The following SYT16 variants were observed in gnomAD, a reference collection of about 807,000 sequenced individuals.
SYT16 encodes the protein synaptotagmin 16, also known as synaptotagmin-16.
In SYT16, 42 loss-of-function variants were observed where a neutral mutation model predicts 61.4. The ratio of observed to expected loss-of-function variants is 0.68; its 90% CI spans 0.53 to 0.89. The LOEUF (loss-of-function observed/expected upper bound fraction) is 0.89, where lower values mean the gene tolerates loss of function less well. SYT16 is among the 40% of genes least tolerant of loss of function. The probability of loss-of-function intolerance (pLI) is 0.00; values close to 1 mark genes in which losing one functional copy is unlikely to be tolerated. For missense variants in SYT16, 804 were observed against 807.3 expected (o/e 1.00, Z 0.05); for synonymous variants, 314 against 302.3 (o/e 1.04, Z -0.40).
intron 1 of SYT16, among the ~76,000 whole-genome samples, chr14:61,935,686 C>T (rs893470039): frequency 2.6e-5 from 4 of 152,178 alleles, no homozygotes; most frequent in Non-Finnish European, 4.4e-5. Flanking sequence ...AATTTAGGAC[C>T]TTCACCTGGA....
At chr14:61,813,283 C>G (rs2045325414) in intron 1 of SYT16, among the ~76,000 whole-genome samples, 1 of 152,230 alleles carries the variant, frequency 6.6e-6, no homozygotes, top group East Asian at 1.9e-4. Flanking sequence ...GCGGGCAGCA[C>G]AAGGCCGGCT....
chr14:61,836,206 T>C (rs1052522854), intron 1 of SYT16, among the ~76,000 whole-genome samples: 3 of 152,218 alleles, frequency 2.0e-5, no homozygotes, highest in Non-Finnish European at 4.4e-5. Context: ...ATACACATCA[T>C]AGAAATTGAA....
chr14:62,094,697 A>G (rs2057207183), intron 7 of SYT16, among the ~76,000 whole-genome samples: 1 of 152,044 alleles, frequency 6.6e-6, no homozygotes, highest in African/African-American at 2.4e-5. Context: ...CAAATATTCT[A>G]GGTATGTTTG....
intron 2 of SYT16, among the ~76,000 whole-genome samples, chr14:61,971,332 G>A (rs1014841998): frequency 2.0e-5 from 3 of 152,190 alleles, no homozygotes; most frequent in African/African-American, 7.2e-5. Context: ...TTCTAGATCA[G>A]GGTCTGTTGT....
intron 1 of SYT16, among the ~76,000 whole-genome samples, chr14:61,828,213 ATTG>A (rs1200439075): frequency 6.6e-6 from 1 of 152,192 alleles, no homozygotes; most frequent in Non-Finnish European, 1.5e-5. Flanking sequence ...AGAAAATTTT[ATTG>A]TTTAAACCCC....
intron 1 of SYT16, among the ~76,000 whole-genome samples, chr14:61,950,027 C>T (rs536671691): frequency 6.6e-6 from 1 of 152,330 alleles, no homozygotes; most frequent in East Asian, 1.9e-4. Context: ...ACAACTCCCT[C>T]TTGACCTAAA....
rs200597370 is a variant in SYT16, at chr14:61,996,076, C to G, written c.57C>G (p.Ser19=). ...AGAACTTCTTCCAGCCTTTCTCTTC[C>G]TGGATATCTCGGGTTTATGAAGCTC... ...DVQNFFQPFS[S]WISRVYEALQ... The change falls in exon 3 of 8, where the codon TCC becomes TCG. Residue 19 remains serine (S), a synonymous_variant. Transcript: ENST00000683842. 1,525 of 1,611,576 alleles carry G rather than the reference C, an allele frequency of 9.5e-4. 3 individuals are homozygous for G. Among genetic ancestry groups the G allele is most frequent in the Non-Finnish European group, 1.1e-3 (1,344 of 1,178,736 alleles).
At chr14:61,874,399 C>A (rs2047422454) in intron 1 of SYT16, among the ~76,000 whole-genome samples, 1 of 152,070 alleles carries the variant, frequency 6.6e-6, no homozygotes, top group Admixed American at 6.5e-5. Flanking sequence ...TTCCACAGGG[C>A]CTACTGCAGG....
At chr14:61,926,238 A>T (rs1174158406) in intron 1 of SYT16, among the ~76,000 whole-genome samples, 6 of 47,212 alleles carry the variant, frequency 1.3e-4, no homozygotes, top group Admixed American at 2.0e-4. Flanking sequence ...ACTCAGCCCA[A>T]ATTAATGCAA....
rs1017349612 is a variant in SYT16, at chr14:62,060,226, A to G, written c.524-9377A>G. 5.9e-5 allele frequency among the ~76,000 whole-genome samples: 9 copies of G among 152,020 alleles called. No homozygotes were observed. The South Asian group carries it at 1.7e-3, about 28-fold the overall frequency. ...GCATCTTAACAATATTGAGTCCTCT[A>G]TTTTCTCTCAGTAATGTTTTAATGC... is the stretch of plus-strand genomic sequence containing the variant. On this transcript the variant is annotated intron_variant, in intron 3 of 7. Transcript: ENST00000683842.
intron 1 of SYT16, among the ~76,000 whole-genome samples, chr14:61,925,409 T>A (rs573582199): frequency 1.6e-3 from 226 of 145,160 alleles, no homozygotes; most frequent in Non-Finnish European, 2.0e-3. Flanking sequence ...AATCATGTGT[T>A]GTGCAAAGAG....
intron 3 of SYT16, among the ~76,000 whole-genome samples, chr14:62,018,763 T>C (rs903336694): frequency 1.3e-5 from 2 of 152,164 alleles, no homozygotes; most frequent in African/African-American, 2.4e-5. Context: ...CCTGACTACA[T>C]GAATGTAAAC....
intron 1 of SYT16, among the ~76,000 whole-genome samples, chr14:61,866,274 C>T (rs2140297106): frequency 6.6e-6 from 1 of 152,022 alleles, no homozygotes; most frequent in Admixed American, 6.5e-5. Context: ...GATGGGTACA[C>T]ATTTAGCTCT....
intron 2 of SYT16, among the ~76,000 whole-genome samples, chr14:61,987,063 G>A (rs2052346739): frequency 6.6e-6 from 1 of 152,126 alleles, no homozygotes; most frequent in South Asian, 2.1e-4. Flanking sequence ...AAGAAATAAG[G>A]GGTGTTATGG....
At chr14:61,947,298 G>GTGTGTGTGTA (rs2050482555) in intron 1 of SYT16, among the ~76,000 whole-genome samples, 1 of 151,334 alleles carries the variant, frequency 6.6e-6, no homozygotes, top group Non-Finnish European at 1.5e-5. Context: ...GTGTGTGTGT[G>GTGTGTGTGTA]TGTGTGTGTG....
chr14:62,026,903 A>G (rs2054123547), intron 3 of SYT16, among the ~76,000 whole-genome samples: 1 of 152,086 alleles, frequency 6.6e-6, no homozygotes, highest in Non-Finnish European at 1.5e-5. Context: ...GCTATTAGTT[A>G]TATTTTTATT....
chr14:61,967,168 G>T (rs1191647403), intron 1 of SYT16, among the ~76,000 whole-genome samples: 1 of 152,182 alleles, frequency 6.6e-6, no homozygotes, highest in African/African-American at 2.4e-5. Context: ...CAAAGATCTG[G>T]AGGTGTGACC....
chr14:61,932,378 G>A (rs1294575450), intron 1 of SYT16, among the ~76,000 whole-genome samples: 3 of 152,212 alleles, frequency 2.0e-5, no homozygotes, highest in Non-Finnish European at 4.4e-5. Context: ...ATAAAGAAAA[G>A]AGGTTTAATT....
intron 1 of SYT16, among the ~76,000 whole-genome samples, chr14:61,813,719 C>T (rs1321160263): frequency 6.6e-6 from 1 of 151,626 alleles, no homozygotes; most frequent in African/African-American, 2.4e-5. Flanking sequence ...TGAGCTATGA[C>T]CCTGCCATTG....
Sources: gnomAD v4.1 joint callset for allele counts (sites outside exome capture counted in the v4.1 genomes callset) on GRCh38, gnomAD v4.1.1 for gene constraint, MANE v1.5 for transcripts, NCBI Gene and HGNC (gene_info 2026-07-23, HGNC 2026-07-21) for gene names.